STRBP: variants seen among roughly 807,000 people sequenced by gnomAD.
STRBP encodes the protein spermatid perinuclear RNA binding protein.
A neutral mutation model predicts 80.1 loss-of-function variants in STRBP; 13 were observed. The observed-to-expected ratio is 0.16, with a 90% CI of 0.11 to 0.26. The LOEUF is 0.26. STRBP is among the 10% of genes least tolerant of loss of function. STRBP has a pLI of 1.00. For missense variants in STRBP, 485 were observed against 815.2 expected (o/e 0.59, Z 4.93); for synonymous variants, 284 against 291.2 (o/e 0.98, Z 0.25).
intron 11 of STRBP, among the ~76,000 whole-genome samples, chr9:123,151,822 C>A (rs746267173): frequency 3.3e-5 from 5 of 151,968 alleles, no homozygotes; most frequent in Non-Finnish European, 5.9e-5. Flanking sequence ...AGGAAAACTA[C>A]AGAAAAGAGC....
In STRBP at chr9:123,179,016, T is replaced by G. The variant is rs1342399545; in HGVS notation, c.215A>C (p.Asn72Thr). 1 of 1,614,052 alleles carries G rather than the reference T, an allele frequency of 6.2e-7. No individual in the cohort carries two copies. Among genetic ancestry groups the G allele is most frequent in the Admixed American group, 1.7e-5 (1 of 60,014 alleles). The change falls in exon 4 of 19, where the codon AAC becomes ACC. Residue 72 changes from asparagine to threonine, a missense_variant. Physicochemically the swap from Asn to Thr is moderately conservative, Grantham distance 65 (BLOSUM62 0). Transcript: ENST00000348403. ...TEVKKDEAGE[N>T]YSKDQGGRTL... ...GTCAGTCCACACTCACTTGGAATAG[T>G]TTTCTCCGGCCTCATCTTTCTTCAC...
At chr9:123,266,186 G>A (rs761092490) in intron 1 of STRBP, among the ~76,000 whole-genome samples, 2 of 152,090 alleles carry the variant, frequency 1.3e-5, no homozygotes, top group African/African-American at 2.4e-5. Context: ...TGCGCTCCTC[G>A]TGACCCTGTG....
intron 2 of STRBP, among the ~76,000 whole-genome samples, chr9:123,199,080 G>T (rs1419294953): frequency 6.6e-6 from 1 of 152,180 alleles, no homozygotes; most frequent in Non-Finnish European, 1.5e-5. Context: ...GAGTAGCTGG[G>T]ACTACAGGCA....
intron 2 of STRBP, among the ~76,000 whole-genome samples, chr9:123,217,540 AGC>A (rs1412401483): frequency 6.6e-6 from 1 of 152,228 alleles, no homozygotes; most frequent in African/African-American, 2.4e-5. Context: ...ACCTAAGAAC[AGC>A]ACCATGTGTT....
chr9:123,130,412 A>G (rs1433765775), intron 17 of STRBP, among the ~76,000 whole-genome samples: 3 of 152,124 alleles, frequency 2.0e-5, no homozygotes, highest in Non-Finnish European at 2.9e-5. Context: ...ATGACACAAG[A>G]GAGGAGTCAC....
chr9:123,242,294 T>C (rs1303311820), intron 1 of STRBP, among the ~76,000 whole-genome samples: 2 of 152,228 alleles, frequency 1.3e-5, no homozygotes, highest in Non-Finnish European at 2.9e-5. Flanking sequence ...CCTTTACCAC[T>C]GTATTCTGGT....
At chr9:123,244,187 A>T (rs1311251256) in intron 1 of STRBP, among the ~76,000 whole-genome samples, 1 of 152,232 alleles carries the variant, frequency 6.6e-6, no homozygotes, top group East Asian at 1.9e-4. Context: ...CATATAGCCT[A>T]GCAAAAGAAG....
rs970842832 is a variant in STRBP at position 123,246,363 on chromosome 9, C to A, written c.-301-9397G>T. The stretch of plus-strand genomic sequence containing the variant: ...CCACATACCACATAATTCAACACAT[C>A]CGGGCAGCAGTGGCTAAATAATGGA... On this transcript the variant is annotated intron_variant, in intron 1 of 18. Transcript: ENST00000348403. Among the ~76,000 whole-genome samples, 9 of 152,324 alleles carry A rather than the reference C, an allele frequency of 5.9e-5. No individual in the cohort carries two copies. In the East Asian group the frequency reaches 1.7e-3, roughly 29 times the overall value.
downstream of STRBP, among the ~76,000 whole-genome samples, chr9:123,119,383 AC>A (rs1370972099): frequency 4.6e-5 from 4 of 87,430 alleles, no homozygotes; most frequent in South Asian, 4.9e-4. Context: ...CTTAAATCCC[AC>A]CCCCCGCCCC....
Position 123,115,975 on chromosome 9 carries a change from T to A in STRBP, c.*38A>T. 1 of 456,194 alleles carries A rather than the reference T, an allele frequency of 2.2e-6. No individual in the cohort carries two copies. Among genetic ancestry groups the A allele is most frequent in the Non-Finnish European group, 4.4e-6 (1 of 226,938 alleles). 28.3% of individuals were successfully genotyped at this position (456,194 alleles called of 1,614,324 possible). A position where few individuals can be genotyped will look rare whatever the true frequency, so the allele number is the denominator to read the frequency against. ...TCTCCAGGTCTCCTCTTCACCAGCC[T>A]TAACCTTCTGGTCCTTCCATCTCAT... On this transcript the variant is annotated 3_prime_UTR_variant and NMD_transcript_variant, in exon 3 of 4. Transcript: ENST00000471564. The surrounding 1 kb of genome is among the most constrained non-coding windows in gnomAD (Gnocchi z 5.0).
At chr9:123,233,721 A>G (rs1186996566) in intron 2 of STRBP, among the ~76,000 whole-genome samples, 1 of 152,256 alleles carries the variant, frequency 6.6e-6, no homozygotes, top group East Asian at 1.9e-4. Context: ...ATTGATTTAC[A>G]TGGGAAAGTC....
chr9:123,188,848 A>C (rs1239473239), intron 2 of STRBP, among the ~76,000 whole-genome samples: 1 of 152,230 alleles, frequency 6.6e-6, no homozygotes, highest in Non-Finnish European at 1.5e-5. Flanking sequence ...CTGACTAGGA[A>C]ACCTTCAATT....
At chr9:123,137,305 T>C (rs2036397428) in intron 14 of STRBP, among the ~76,000 whole-genome samples, 1 of 152,188 alleles carries the variant, frequency 6.6e-6, no homozygotes, top group Non-Finnish European at 1.5e-5. Context: ...AACCAAAAGA[T>C]AGGGCACTTT....
At chr9:123,209,380 C>CT (rs1229960684) in intron 2 of STRBP, among the ~76,000 whole-genome samples, 1 of 152,164 alleles carries the variant, frequency 6.6e-6, no homozygotes, top group Non-Finnish European at 1.5e-5. Flanking sequence ...GTCTTCAAGG[C>CT]TTCAGTATTA....
intron 6 of STRBP, among the ~76,000 whole-genome samples, chr9:123,164,152 T>A (rs2037650629): frequency 1.3e-5 from 2 of 152,110 alleles, no homozygotes; most frequent in Non-Finnish European, 1.5e-5. Flanking sequence ...CTCAAGCAAT[T>A]CCCATGCCTT....
At chr9:123,265,393 A>T (rs995410950) in intron 1 of STRBP, among the ~76,000 whole-genome samples, 6 of 152,174 alleles carry the variant, frequency 3.9e-5, no homozygotes, top group Non-Finnish European at 8.8e-5. Flanking sequence ...ACCAAAGCGA[A>T]CCTTTTATTT....
chr9:123,264,858 C>T (rs961062204), intron 1 of STRBP, among the ~76,000 whole-genome samples: 5 of 152,078 alleles, frequency 3.3e-5, no homozygotes, highest in Admixed American at 1.3e-4. Flanking sequence ...GAAAGTAGTG[C>T]GCACCCCAAG....
chr9:123,188,307 A>G (rs1043054922), intron 2 of STRBP, among the ~76,000 whole-genome samples: 2 of 152,168 alleles, frequency 1.3e-5, no homozygotes, highest in Non-Finnish European at 2.9e-5. Context: ...GGCAATTATG[A>G]ATAAATTCCC....
Position 123,154,605 on chromosome 9 carries a change from T to C in STRBP, c.1045+3407A>G, listed in dbSNP as rs77567859. 8.9e-3 allele frequency among the ~76,000 whole-genome samples: 1,359 copies of C among 152,318 alleles called. 11 individuals carry two copies. The highest frequency in any genetic ancestry group is 0.014 in the Non-Finnish European group (980 of 68,026). On this transcript the variant is annotated intron_variant, in intron 11 of 18. Transcript: ENST00000348403. The stretch of plus-strand genomic sequence containing the variant: ...AAACTGTATTTTTTGTACTTTTCTA[T>C]ATATGTGCTATATCTCATTATAAAA...
Sources: gnomAD v4.1 joint callset for allele counts (sites outside exome capture counted in the v4.1 genomes callset) on GRCh38, gnomAD v4.1.1 for gene constraint, Gnocchi (gnomAD v3.1) non-coding constraint, MANE v1.5 for transcripts, NCBI Gene and HGNC (gene_info 2026-07-23, HGNC 2026-07-21) for gene names.